ARPIN: variants seen among roughly 807,000 people sequenced by gnomAD.
The protein encoded by ARPIN is actin related protein 2/3 complex inhibitor.
A neutral mutation model predicts 25.9 loss-of-function variants in ARPIN; 23 were observed. The observed-to-expected ratio is 0.89, with a 90% CI of 0.64 to 1.26. ARPIN has a LOEUF of 1.26. Among genes scored for constraint, ARPIN ranks in the 50% most tolerant of loss-of-function variants. The pLI is 0.00. For missense variants in ARPIN, 333 were observed against 312.2 expected, an observed-to-expected ratio of 1.07 and a Z score of -0.50; for synonymous variants, 126 against 131.4, an observed-to-expected ratio of 0.96 and a Z score of 0.28.
In ARPIN at chr15:89,899,967, C is replaced by A. The variant is rs892588603; in HGVS notation, c.*1828G>T. 6.6e-6 allele frequency: 1 copy of A among 152,462 alleles called. No homozygotes were observed. Among genetic ancestry groups the A allele is most frequent in the Admixed American group, 6.5e-5 (1 of 15,280 alleles). The allele number at this position is 152,462 out of a possible 1,614,324, so 9.4% of individuals were successfully genotyped here. A position where few individuals can be genotyped will look rare whatever the true frequency, so the allele number is the denominator to read the frequency against. ...CCCGCCCTTTTTGTTGCTTTAGGAC[C>A]TCTCCTATTGACACACTGGGCCTCC... is the stretch of plus-strand genomic sequence containing the variant. On this transcript the variant is annotated 3_prime_UTR_variant, in exon 6 of 6. Coordinates refer to ENST00000357484, the MANE Select transcript of ARPIN (RefSeq NM_182616.4).
At chr15:89,910,935 C>T (rs1335784990) in intron 1 of ARPIN, 116 bp from the exon 2 acceptor site, 28 of 1,244,832 alleles carry the variant, frequency 2.2e-5, no homozygotes, top group South Asian at 4.0e-5. Flanking sequence ...CTCCTTTCCC[C>T]GTGCTTCCGA....
Position 89,912,828 on chromosome 15 carries a change from C to A in ARPIN, c.8G>T (p.Arg3Leu), listed in dbSNP as rs968067421. The A allele has an allele frequency of 6.6e-7, 1 of 1,522,262 alleles. No individual in the cohort carries two copies. Among genetic ancestry groups the A allele is most frequent in the Middle Eastern group, 2.3e-4 (1 of 4,424 alleles). 94.3% of individuals were successfully genotyped at this position (1,522,262 alleles called of 1,614,324 possible). Residue 3 changes from arginine (R) to leucine (L), a missense_variant, in exon 1 of 6, where the codon CGC (arginine) becomes CTC (leucine). Coordinates refer to ENST00000357484, the MANE Select transcript of ARPIN (RefSeq NM_182616.4). MS[R>L]IYHDGALRNK... ...CCGGAGCGCGCCGTCGTGGTAGATG[C>A]GGCTCATTCTCCCGACCGCCCGGGC...
chr15:89,896,189 T>C lies in ARPIN; in HGVS notation c.*5606A>G, dbSNP rs1896928509. The stretch of plus-strand genomic sequence containing the variant: ...CAGGCGTGAGCCACTGCGCCCGGCA[T>C]GGCCCAGTTTTTAAATAAATAAAAA... On this transcript the variant is annotated 3_prime_UTR_variant, in exon 6 of 6. Coordinates refer to ENST00000357484, the MANE Select transcript of ARPIN (RefSeq NM_182616.4). The C allele has an allele frequency of 6.6e-6, 1 of 152,150 alleles. No homozygotes were observed. Among genetic ancestry groups the C allele is most frequent in the Non-Finnish European group, 1.5e-5 (1 of 68,018 alleles). 9.4% of individuals were successfully genotyped at this position (152,150 alleles called of 1,614,324 possible).
intron 4 of ARPIN, 58 bp from the exon 5 acceptor site, chr15:89,903,437 G>A (rs1430050479): frequency 6.2e-7 from 1 of 1,605,462 alleles, no homozygotes; most frequent in Non-Finnish European, 8.5e-7. Flanking sequence ...CATAGTGAGG[G>A]CTGGGCCCAT....
chr15:89,912,663 T>TTTG, intron 1 of ARPIN, 81 bp downstream of exon 1: 10 of 870,952 alleles, frequency 1.1e-5, no homozygotes, highest in East Asian at 2.0e-4. Context: ...CCCACCCGCA[T>TTTG]CCCACCCCCC....
At chr15:89,904,302 T>C (rs990747645) in intron 3 of ARPIN, among the ~76,000 whole-genome samples, 1 of 152,176 alleles carries the variant, frequency 6.6e-6, no homozygotes, top group African/African-American at 2.4e-5. Flanking sequence ...AAATAAAGCA[T>C]GTAGCACAGC....
intron 5 of ARPIN, chr15:89,902,725 G>T: frequency 2.2e-6 from 1 of 458,986 alleles, no homozygotes; most frequent in Non-Finnish European, 2.9e-6. Context: ...GAAAAGAAAT[G>T]AAAAGAAAAG....
intron 4 of ARPIN, 24 bp downstream of exon 4, chr15:89,903,753 C>T (rs199817187): frequency 2.5e-6 from 4 of 1,612,904 alleles, no homozygotes; most frequent in Non-Finnish European, 3.4e-6. Context: ...AACAGTGGGC[C>T]ACAGTGAGGG....
rs764548526 is a variant in ARPIN at position 89,910,757 on chromosome 15, G to C, written c.155C>G (p.Thr52Ser). Residue 52 changes from threonine (T) to serine (S), a missense_variant, in exon 2 of 6, where the codon ACT becomes AGT. Physicochemically the swap from Thr to Ser is moderately conservative, Grantham distance 58 (BLOSUM62 1). Coordinates refer to ENST00000357484, the MANE Select transcript of ARPIN (RefSeq NM_182616.4). ...IDVSRHSILD[T>S]HGRKERYYVL... ...AAGCATCCTCACCTTCCTGCCATGA[G>C]TGTCCAAGATGCTGTGCCGAGATAC... The C allele has an allele frequency of 6.2e-7, 1 of 1,614,162 alleles. No homozygotes were observed. Among genetic ancestry groups the C allele is most frequent in the Non-Finnish European group, 8.5e-7 (1 of 1,180,010 alleles).
rs1036311621 is a variant in ARPIN, at chr15:89,898,657, G to A, written c.*3138C>T. On this transcript the variant is annotated 3_prime_UTR_variant, in exon 6 of 6. Coordinates refer to ENST00000357484, the MANE Select transcript of ARPIN (RefSeq NM_182616.4). ...TCCCTCAGGCTGGTCTGAAAGAATC[G>A]CCCCAGAGCTCTTAAGGAGGAAGCG... The A allele has an allele frequency of 2.6e-5, 4 of 152,244 alleles. No individual in the cohort carries two copies. Among genetic ancestry groups the A allele is most frequent in the East Asian group, 3.9e-4 (2 of 5,176 alleles). The allele number at this position is 152,244 out of a possible 1,614,324, so 9.4% of individuals were successfully genotyped here.
chr15:89,912,916 C>T lies in ARPIN; in HGVS notation c.-81G>A. 7 of 1,405,944 alleles carry T rather than the reference C, an allele frequency of 5.0e-6. No individual in the cohort carries two copies. Among genetic ancestry groups the T allele is most frequent in the Non-Finnish European group, 6.5e-6 (7 of 1,084,514 alleles). The allele number at this position is 1,405,944 out of a possible 1,614,324, so 87.1% of individuals were successfully genotyped here. A position where few individuals can be genotyped will look rare whatever the true frequency, so the allele number is the denominator to read the frequency against. On this transcript the variant is annotated 5_prime_UTR_variant, in exon 1 of 6. Coordinates refer to ENST00000357484, the MANE Select transcript of ARPIN (RefSeq NM_182616.4). ...GGCGCGGGAAGTGCTGCAGGACGCG[C>T]GGGGACCCGCGATTCCCAGCCGGCG...
chr15:89,909,757 G>A (rs1370583982), intron 2 of ARPIN, among the ~76,000 whole-genome samples: 2 of 152,198 alleles, frequency 1.3e-5, no homozygotes, highest in African/African-American at 2.4e-5. Context: ...AGCAGCCATG[G>A]AAAGAGGAAG....
chr15:89,905,164 G>A (rs1897097428), intron 3 of ARPIN, among the ~76,000 whole-genome samples: 2 of 152,062 alleles, frequency 1.3e-5, no homozygotes, highest in African/African-American at 4.8e-5. Flanking sequence ...TGGGATTACA[G>A]GCGTGTGCCA....
At chr15:89,910,534 C>G (rs1028279349) in intron 2 of ARPIN, among the ~76,000 whole-genome samples, 2 of 152,208 alleles carry the variant, frequency 1.3e-5, no homozygotes, top group African/African-American at 4.8e-5. Flanking sequence ...GGCCCTCCCA[C>G]CTGTCTGCTG....
intron 3 of ARPIN, among the ~76,000 whole-genome samples, chr15:89,907,021 G>A (rs968546589): frequency 1.3e-5 from 2 of 151,540 alleles, no homozygotes; most frequent in Non-Finnish European, 1.5e-5. Flanking sequence ...GATGGAGTAT[G>A]GACATAATGC....
In ARPIN at chr15:89,897,055, T is replaced by TA. The variant is rs1398812401; in HGVS notation, c.*4739dup. The TA allele has an allele frequency of 6.6e-6, 1 of 152,204 alleles. No homozygotes were observed. Among genetic ancestry groups the TA allele is most frequent in the African/African-American group, 2.4e-5 (1 of 41,460 alleles). The allele number at this position is 152,204 out of a possible 1,614,324, so 9.4% of individuals were successfully genotyped here. A position where few individuals can be genotyped will look rare whatever the true frequency, so the allele number is the denominator to read the frequency against. On this transcript the variant is annotated 3_prime_UTR_variant, in exon 6 of 6. Transcript: ENST00000357484. ...TAAAGAAATAACCCAAAAATATAGT[T>TA]AGAGGTGGGGAATTAAGAGAACTAT... is the stretch of plus-strand genomic sequence containing the variant.
chr15:89,903,876 T>G lies in ARPIN; in HGVS notation c.409A>C (p.Thr137Pro). 1 of 1,614,088 alleles carries G rather than the reference T, an allele frequency of 6.2e-7. No individual in the cohort carries two copies. Among genetic ancestry groups the G allele is most frequent in the Non-Finnish European group, 8.5e-7 (1 of 1,180,026 alleles). Residue 137 changes from threonine to proline, a missense_variant, in exon 4 of 6, where the codon ACA (threonine) becomes CCA (proline). Physicochemically the swap from Thr to Pro is conservative, Grantham distance 38. Coordinates refer to ENST00000357484, the MANE Select transcript of ARPIN (RefSeq NM_182616.4). The part of the protein sequence containing the change: ...ALTESLTPDH[T>P]VAFWMPESEM... ...GACTCGGGCATCCAGAACGCCACTGTGTGGTCGGGGGTGAGGCTCTCTGTC... is the reference window on the plus strand; with the variant it reads ...GACTCGGGCATCCAGAACGCCACTGGGTGGTCGGGGGTGAGGCTCTCTGTC...
At position 89,901,617 on chromosome 15, in the gene ARPIN, A is replaced by C. The variant is rs1897022324; in HGVS notation, c.*178T>G. 2.9e-6 allele frequency: 2 copies of C among 699,034 alleles called. No homozygotes were observed. The highest frequency in any genetic ancestry group is 2.5e-5 in the Admixed American group (1 of 39,586). The allele number at this position is 699,034 out of a possible 1,614,324, so 43.3% of individuals were successfully genotyped here. ...CAGCATGAGGCCCCACCACCAACAC[A>C]GTGGTCATGGGTTTGGTTTTAGCAG... On this transcript the variant is annotated 3_prime_UTR_variant, in exon 6 of 6. Transcript: ENST00000357484.
In ARPIN at chr15:89,897,871, G is replaced by A. The variant is rs1296383921; in HGVS notation, c.*3924C>T. 1 of 152,092 alleles carries A rather than the reference G, an allele frequency of 6.6e-6. No homozygotes were observed. Among genetic ancestry groups the A allele is most frequent in the Non-Finnish European group, 1.5e-5 (1 of 68,046 alleles). 9.4% of individuals were successfully genotyped at this position (152,092 alleles called of 1,614,324 possible). On this transcript the variant is annotated 3_prime_UTR_variant, in exon 6 of 6. Transcript: ENST00000357484. ...CCCAGCACTTTGGGAGGCTGAGGAG[G>A]GTGGATCACCTGAGGTCAGGAGTTC...
Sources: allele counts gnomAD v4.1 joint callset (sites outside exome capture counted in the v4.1 genomes callset), GRCh38; gene constraint gnomAD v4.1.1; transcripts MANE v1.5; gene names NCBI Gene and HGNC (gene_info 2026-07-23, HGNC 2026-07-21).